The following SHANK2 variants were observed in gnomAD, a reference collection of about 807,000 sequenced individuals.
SHANK2 encodes SH3 and multiple ankyrin repeat domains protein 2.
SHANK2 carries 43 observed loss-of-function variants against 133.7 expected under a neutral mutation model. The observed-to-expected ratio is 0.32, with a 90% CI of 0.25 to 0.41. The LOEUF is 0.41. SHANK2 is among the 10% of genes least tolerant of loss of function. The probability of loss-of-function intolerance (pLI) is 1.00; values close to 1 mark genes in which losing one functional copy is unlikely to be tolerated. For missense variants in SHANK2, 1,994 were observed against 2,235.8 expected (o/e 0.89, Z 2.18); for synonymous variants, 1,017 against 952.8 (o/e 1.07, Z -1.24).
intron 14 of SHANK2, among the ~76,000 whole-genome samples, chr11:70,704,630 AT>A (rs35772412): frequency 0.36 from 54,050 of 152,090 alleles, 10,521 homozygotes; most frequent in Non-Finnish European, 0.45. Context: ...TAGAGATGCG[AT>A]GGAAGGACAC....
intron 14 of SHANK2, among the ~76,000 whole-genome samples, chr11:70,782,270 T>A (rs543780049): frequency 6.6e-6 from 1 of 152,358 alleles, no homozygotes; most frequent in African/African-American, 2.4e-5. Context: ...TTGGCCAGGC[T>A]GGTCTTAAAT....
chr11:70,852,370 C>T (rs1437433683), intron 11 of SHANK2, among the ~76,000 whole-genome samples: 1 of 152,220 alleles, frequency 6.6e-6, no homozygotes, highest in African/African-American at 2.4e-5. Flanking sequence ...CCTCAGAAGG[C>T]CATGCAGGGG....
chr11:70,645,425 A>G (rs2061247026), intron 17 of SHANK2, among the ~76,000 whole-genome samples: 1 of 152,102 alleles, frequency 6.6e-6, no homozygotes, highest in South Asian at 2.1e-4. Context: ...CAACAAAAAC[A>G]AAAAACAAAA....
chr11:70,606,056 C>G (rs140678546), intron 17 of SHANK2, among the ~76,000 whole-genome samples: 241 of 152,248 alleles, frequency 1.6e-3, no homozygotes, highest in Middle Eastern at 0.01. Flanking sequence ...GACAGCAGAT[C>G]GGGGCTGCTT....
At chr11:71,178,035 T>C (rs1027505158) in intron 2 of SHANK2, among the ~76,000 whole-genome samples, 10 of 152,200 alleles carry the variant, frequency 6.6e-5, no homozygotes, top group African/African-American at 1.9e-4. Context: ...TCCAGAAGTT[T>C]AAATAGAGAG....
chr11:70,928,506 T>C (rs1555081998), intron 10 of SHANK2, among the ~76,000 whole-genome samples: 1 of 152,198 alleles, frequency 6.6e-6, no homozygotes, highest in African/African-American at 2.4e-5. Context: ...AAGGGTTTAC[T>C]GCTTGCTTTT....
chr11:71,248,820 G>A lies in SHANK2; in HGVS notation c.-113+3605C>T, dbSNP rs1034725931. 2.6e-5 allele frequency among the ~76,000 whole-genome samples: 4 copies of A among 152,208 alleles called. No individual in the cohort carries two copies. In the East Asian group the frequency reaches 7.7e-4, roughly 29 times the overall value. On this transcript the variant is annotated intron_variant, in intron 1 of 25. Coordinates refer to ENST00000601538, the MANE Select transcript of SHANK2 (RefSeq NM_012309.5). ...GTATCCCCCCACCCCACCCCACGCT[G>A]GGTTGGGGACCCTTTCTATGCCCTG... is the stretch of plus-strand genomic sequence containing the variant.
At chr11:71,198,707 C>G (rs1953960700) in intron 2 of SHANK2, among the ~76,000 whole-genome samples, 1 of 152,234 alleles carries the variant, frequency 6.6e-6, no homozygotes, top group African/African-American at 2.4e-5. Flanking sequence ...CCCCTCCCGT[C>G]CAGCAGATGT....
chr11:70,852,700 A>G (rs1555065898), intron 11 of SHANK2, among the ~76,000 whole-genome samples: 3 of 152,200 alleles, frequency 2.0e-5, no homozygotes, highest in African/African-American at 7.2e-5. Flanking sequence ...AAAATTAGCC[A>G]GGCATGATGG....
At chr11:71,209,546 C>T (rs1173032564) in intron 2 of SHANK2, among the ~76,000 whole-genome samples, 2 of 152,226 alleles carry the variant, frequency 1.3e-5, no homozygotes, top group African/African-American at 4.8e-5. Context: ...CCCACCAGCA[C>T]ACACATGGTC....
At chr11:70,714,750 C>T (rs944911458) in intron 14 of SHANK2, among the ~76,000 whole-genome samples, 17 of 152,040 alleles carry the variant, frequency 1.1e-4, no homozygotes, top group African/African-American at 9.7e-5. Flanking sequence ...ATCCTCCCTA[C>T]GGCATTTTTC....
At chr11:70,640,352 G>T (rs191069396) in intron 17 of SHANK2, among the ~76,000 whole-genome samples, 2 of 152,182 alleles carry the variant, frequency 1.3e-5, no homozygotes, top group African/African-American at 4.8e-5. Flanking sequence ...AGGCAGAGAC[G>T]AGCGACGCAG....
intron 2 of SHANK2, among the ~76,000 whole-genome samples, chr11:71,222,133 C>G (rs1954554911): frequency 6.7e-6 from 1 of 150,306 alleles, no homozygotes. Flanking sequence ...CCACCCACCC[C>G]ACCCCATCCA....
At position 70,806,786 on chromosome 11, in the gene SHANK2, G is replaced by A. The variant is rs895073927; in HGVS notation, c.1663+216C>T. The stretch of plus-strand genomic sequence containing the variant: ...CATTCCCAGTGGACGTGTCCCCTTC[G>A]ATCCCTGAGACCCAGCACTGGGGAA... On this transcript the variant is annotated intron_variant, in intron 13 of 25. Coordinates refer to ENST00000601538, the MANE Select transcript of SHANK2 (RefSeq NM_012309.5). Among the ~76,000 whole-genome samples the A allele has an allele frequency of 9.8e-5, 15 of 152,322 alleles. 1 individual carries two copies. Among genetic ancestry groups the A allele is most frequent in the Admixed American group, 6.5e-5 (1 of 15,302 alleles).
intron 14 of SHANK2, among the ~76,000 whole-genome samples, chr11:70,754,835 T>C (rs1946831743): frequency 6.6e-6 from 1 of 152,042 alleles, no homozygotes; most frequent in Admixed American, 6.6e-5. Flanking sequence ...TTCCAAGAAA[T>C]GCTGACAAAA....
chr11:71,072,843 G>A (rs1951160717), intron 9 of SHANK2, among the ~76,000 whole-genome samples: 1 of 152,134 alleles, frequency 6.6e-6, no homozygotes, highest in Non-Finnish European at 1.5e-5. Context: ...AGTCCCTACA[G>A]CAGGAAAATC....
At chr11:70,747,255 G>A (rs376336002) in intron 14 of SHANK2, among the ~76,000 whole-genome samples, 5 of 152,160 alleles carry the variant, frequency 3.3e-5, no homozygotes, top group East Asian at 1.9e-4. Context: ...GGTGGCAGGC[G>A]GGGAGGTGGG....
chr11:70,757,935 C>T (rs540770811), intron 14 of SHANK2, among the ~76,000 whole-genome samples: 8 of 152,228 alleles, frequency 5.3e-5, no homozygotes, highest in East Asian at 3.9e-4. Context: ...TCTGAGATCA[C>T]GGTGTCTGTA....
intron 2 of SHANK2, among the ~76,000 whole-genome samples, chr11:71,213,985 A>G (rs1027561560): frequency 6.6e-6 from 1 of 152,032 alleles, no homozygotes; most frequent in Non-Finnish European, 1.5e-5. Flanking sequence ...CACCCAGCCA[A>G]TATGAACCAC....
Sources: allele counts gnomAD v4.1 joint callset (sites outside exome capture counted in the v4.1 genomes callset), GRCh38; gene constraint gnomAD v4.1.1; transcripts MANE v1.5; gene names NCBI Gene and HGNC (gene_info 2026-07-23, HGNC 2026-07-21).